Variants in ZNF804A observed in about 807,000 individuals in gnomAD.
ZNF804A encodes zinc finger protein 804A.
ZNF804A carries 2 observed loss-of-function variants against 16.5 expected under a neutral mutation model. That is an observed-to-expected ratio of 0.12 (90% CI 0.05 to 0.38). ZNF804A has a LOEUF of 0.38. Ranked by LOEUF, ZNF804A falls within the 10% of genes least tolerant of loss-of-function variation. ZNF804A has a pLI of 0.99. For missense variants in ZNF804A, 1,473 were observed against 1,390.7 expected (o/e 1.06, Z -0.94); for synonymous variants, 534 against 489.6 (o/e 1.09, Z -1.20).
chr2:184,927,502 C>T (rs948316303), intron 2 of ZNF804A, among the ~76,000 whole-genome samples: 1 of 152,200 alleles, frequency 6.6e-6, no homozygotes, highest in African/African-American at 2.4e-5. Context: ...CACTACCTGG[C>T]TCCTCTTCAC....
At chr2:184,680,389 C>G (rs536994207) in intron 1 of ZNF804A, among the ~76,000 whole-genome samples, 1 of 152,276 alleles carries the variant, frequency 6.6e-6, no homozygotes, top group East Asian at 1.9e-4. Context: ...GAACTACCCA[C>G]TGTGCATCTT....
chr2:184,836,447 G>A (rs888641708), intron 1 of ZNF804A, among the ~76,000 whole-genome samples: 3 of 152,000 alleles, frequency 2.0e-5, no homozygotes, highest in East Asian at 1.9e-4. Flanking sequence ...GAGTAATAAC[G>A]GAAGTTGAAT....
In ZNF804A at chr2:184,777,654, A is replaced by G. The variant is rs920571852; in HGVS notation, c.112-88715A>G. Among the ~76,000 whole-genome samples the G allele has an allele frequency of 4.6e-5, 7 of 151,678 alleles. 1 individual carries two copies. In the East Asian group the frequency reaches 7.8e-4, roughly 17 times the overall value. On this transcript the variant is annotated intron_variant, in intron 1 of 3. Transcript: ENST00000302277. ...CATTCAAAATTTAAATAAGCTCCATATATCTGTTGATCAAGTTTTAAAAAA... is the reference window on the plus strand; with the variant it reads ...CATTCAAAATTTAAATAAGCTCCATGTATCTGTTGATCAAGTTTTAAAAAA...
chr2:184,851,101 G>A (rs1695595159), intron 1 of ZNF804A, among the ~76,000 whole-genome samples: 2 of 151,730 alleles, frequency 1.3e-5, no homozygotes, highest in Admixed American at 6.6e-5. Context: ...TGAACAATAT[G>A]TTGTTTTGAA....
In ZNF804A at chr2:184,605,099, A is replaced by G. The variant is rs143267774; in HGVS notation, c.111+6029A>G. Among the ~76,000 whole-genome samples the G allele has an allele frequency of 5.7e-3, 875 of 152,264 alleles. 7 individuals carry two copies. Among genetic ancestry groups the G allele is most frequent in the Middle Eastern group, 0.01 (3 of 294 alleles). On this transcript the variant is annotated intron_variant, in intron 1 of 3. Coordinates refer to ENST00000302277, the MANE Select transcript of ZNF804A (RefSeq NM_194250.2). ...ATGGTTTATTAAAAGTATTATACATAGTGTAAATCATATTTAAATACTTGT... is the reference window on the plus strand; with the variant it reads ...ATGGTTTATTAAAAGTATTATACATGGTGTAAATCATATTTAAATACTTGT...
chr2:184,666,354 G>A (rs1312858978), intron 1 of ZNF804A, among the ~76,000 whole-genome samples: 1 of 151,720 alleles, frequency 6.6e-6, no homozygotes, highest in Non-Finnish European at 1.5e-5. Context: ...AGCCTATGCA[G>A]AAAAACAAAA....
chr2:184,732,563 A>C (rs940765569), intron 1 of ZNF804A, among the ~76,000 whole-genome samples: 4 of 152,126 alleles, frequency 2.6e-5, no homozygotes, highest in Admixed American at 6.5e-5. Context: ...ATATCTTCAA[A>C]ATAACTTGCA....
At chr2:184,663,569 G>A (rs946383816) in intron 1 of ZNF804A, among the ~76,000 whole-genome samples, 11 of 152,126 alleles carry the variant, frequency 7.2e-5, no homozygotes, top group Non-Finnish European at 1.6e-4. Flanking sequence ...GAAAGAGGTG[G>A]GTTCCTGGTG....
intron 1 of ZNF804A, among the ~76,000 whole-genome samples, chr2:184,602,264 T>A (rs1390730650): frequency 6.6e-6 from 1 of 151,990 alleles, no homozygotes; most frequent in Non-Finnish European, 1.5e-5. Flanking sequence ...TTTTGCAATG[T>A]CTTACAAGCA....
intron 1 of ZNF804A, among the ~76,000 whole-genome samples, chr2:184,810,781 C>A (rs1479361844): frequency 6.6e-6 from 1 of 152,080 alleles, no homozygotes; most frequent in Non-Finnish European, 1.5e-5. Context: ...TGAGCCACCG[C>A]GCCTGGCCGA....
chr2:184,609,887 C>A (rs918909689), intron 1 of ZNF804A, among the ~76,000 whole-genome samples: 3 of 152,166 alleles, frequency 2.0e-5, no homozygotes, highest in African/African-American at 7.2e-5. Flanking sequence ...CGGGAAACAC[C>A]TAAAGAATGA....
At chr2:184,641,559 A>C (rs1376595461) in intron 1 of ZNF804A, among the ~76,000 whole-genome samples, 1 of 152,222 alleles carries the variant, frequency 6.6e-6, no homozygotes, top group African/African-American at 2.4e-5. Context: ...TATTTAAATC[A>C]TATCTTGAAA....
At chr2:184,824,635 G>A (rs1306183485) in intron 1 of ZNF804A, among the ~76,000 whole-genome samples, 1 of 152,016 alleles carries the variant, frequency 6.6e-6, no homozygotes, top group African/African-American at 2.4e-5. Context: ...CTCATATTTG[G>A]TGGCTTGAGA....
intron 1 of ZNF804A, among the ~76,000 whole-genome samples, chr2:184,753,078 G>A (rs922178454): frequency 1.3e-5 from 2 of 151,716 alleles, no homozygotes; most frequent in African/African-American, 4.8e-5. Flanking sequence ...TGTTAATTTG[G>A]TAGAAGTAAT....
At chr2:184,881,245 C>T (rs1346307326) in intron 2 of ZNF804A, among the ~76,000 whole-genome samples, 1 of 152,034 alleles carries the variant, frequency 6.6e-6, no homozygotes, top group Non-Finnish European at 1.5e-5. Context: ...GAATGAATGA[C>T]ACTTCTGAGA....
rs113155268 is a variant in ZNF804A at position 184,728,294 on chromosome 2, G to A, written c.111+129224G>A. ...ATTTTAGAGACTATTTTCCAGTTCC[G>A]TGCAATTTCTCAATGTTATGGGATG... On this transcript the variant is annotated intron_variant, in intron 1 of 3. Transcript: ENST00000302277. 3.4e-3 allele frequency among the ~76,000 whole-genome samples: 518 copies of A among 151,782 alleles called. 5 individuals are homozygous for A. Among genetic ancestry groups the A allele is most frequent in the African/African-American group, 0.012 (482 of 41,500 alleles).
At chr2:184,702,785 A>G (rs1466836621) in intron 1 of ZNF804A, among the ~76,000 whole-genome samples, 1 of 152,182 alleles carries the variant, frequency 6.6e-6, no homozygotes, top group Non-Finnish European at 1.5e-5. Flanking sequence ...GACATTTTTT[A>G]TGGAGTCACG....
intron 1 of ZNF804A, among the ~76,000 whole-genome samples, chr2:184,656,969 C>T (rs1320877634): frequency 1.3e-5 from 2 of 152,042 alleles, no homozygotes; most frequent in African/African-American, 2.4e-5. Context: ...TTATGTTTTC[C>T]AATTAGGTCT....
At chr2:184,773,500 T>C (rs1694247035) in intron 1 of ZNF804A, among the ~76,000 whole-genome samples, 1 of 151,962 alleles carries the variant, frequency 6.6e-6, no homozygotes, top group South Asian at 2.1e-4. Flanking sequence ...ATGGCATTCA[T>C]AGCAACCTGG....
Sources: gnomAD v4.1 joint callset for allele counts (sites outside exome capture counted in the v4.1 genomes callset) on GRCh38, gnomAD v4.1.1 for gene constraint, MANE v1.5 for transcripts, NCBI Gene and HGNC (gene_info 2026-07-23, HGNC 2026-07-21) for gene names.